Variants in RAD51B observed in about 807,000 individuals in gnomAD.
RAD51B encodes the protein RAD51 paralog B, also known as DNA repair protein RAD51 homolog 2.
RAD51B carries 38 observed loss-of-function variants against 42.2 expected under a neutral mutation model. That is an observed-to-expected ratio of 0.90 (90% confidence interval 0.70 to 1.18). RAD51B has a LOEUF of 1.18. RAD51B is among the 50% of genes most tolerant of loss of function. The pLI is 0.00. For synonymous variants in RAD51B, 154 were observed against 145.2 expected (o/e 1.06, Z -0.43); for missense variants, 373 against 400.7 (o/e 0.93, Z 0.59).
chr14:68,315,310 G>T (rs929883351), intron 8 of RAD51B, among the ~76,000 whole-genome samples: 1 of 152,186 alleles, frequency 6.6e-6, no homozygotes, highest in Non-Finnish European at 1.5e-5. Flanking sequence ...CCACATAGGA[G>T]ATTAAATACC....
intron 7 of RAD51B, among the ~76,000 whole-genome samples, chr14:68,073,079 A>G (rs2076779056): frequency 6.6e-6 from 1 of 152,098 alleles, no homozygotes; most frequent in Non-Finnish European, 1.5e-5. Context: ...TAAGTCTCCA[A>G]TATTCTGCCT....
intron 9 of RAD51B, among the ~76,000 whole-genome samples, chr14:68,445,553 G>A (rs1054808596): frequency 2.6e-5 from 4 of 152,266 alleles, no homozygotes; most frequent in African/African-American, 9.6e-5. Flanking sequence ...TTAATTGTTA[G>A]TTGTTATTGG....
chr14:68,298,515 G>C (rs1227371588), intron 8 of RAD51B, among the ~76,000 whole-genome samples: 2 of 152,160 alleles, frequency 1.3e-5, no homozygotes, highest in African/African-American at 4.8e-5. Flanking sequence ...TGTGGGAGTT[G>C]GGCTAGCTTT....
intron 10 of RAD51B, among the ~76,000 whole-genome samples, chr14:68,543,729 C>T (rs1376037828): frequency 6.6e-6 from 1 of 152,110 alleles, no homozygotes; most frequent in African/African-American, 2.4e-5. Flanking sequence ...ATACAGCCAC[C>T]GCTGGGGCCA....
chr14:67,947,487 G>A (rs1411957204), intron 7 of RAD51B, among the ~76,000 whole-genome samples: 1 of 152,156 alleles, frequency 6.6e-6, no homozygotes, highest in Non-Finnish European at 1.5e-5. Context: ...CTGACCCATG[G>A]AAGGCATTTC....
At chr14:68,214,994 A>G (rs1308883615) in intron 7 of RAD51B, among the ~76,000 whole-genome samples, 1 of 152,334 alleles carries the variant, frequency 6.6e-6, no homozygotes, top group East Asian at 1.9e-4. Flanking sequence ...AAGCTGAAGA[A>G]CAATTTGTTT....
rs117863832 is a variant in RAD51B at position 68,310,156 on chromosome 14, C to T, written c.853+18176C>T. The stretch of plus-strand genomic sequence containing the variant: ...CAATCAGTTGTCTGATAGACGGCTC[C>T]TGGGAAGACTGGAGAGCCTTATGAG... On this transcript the variant is annotated intron_variant, in intron 8 of 10. Transcript: ENST00000471583. 2.7e-3 allele frequency among the ~76,000 whole-genome samples: 417 copies of T among 152,186 alleles called. 10 individuals are homozygous for T. In the East Asian group the frequency reaches 0.045, roughly 17 times the overall value.
chr14:68,216,565 C>G (rs2079819918), intron 7 of RAD51B, among the ~76,000 whole-genome samples: 1 of 152,176 alleles, frequency 6.6e-6, no homozygotes, highest in Non-Finnish European at 1.5e-5. Context: ...GTCTTTAAGT[C>G]TCCCTGAAAG....
At chr14:68,525,279 A>G (rs1314698881) in intron 10 of RAD51B, among the ~76,000 whole-genome samples, 3 of 152,276 alleles carry the variant, frequency 2.0e-5, no homozygotes, top group African/African-American at 7.2e-5. Flanking sequence ...AGAAAGGAAC[A>G]TCGCCTTCCA....
At chr14:68,562,849 A>T in intron 10 of RAD51B, 1 of 985,394 alleles carries the variant, frequency 1.0e-6, no homozygotes, top group African/African-American at 1.7e-5. Flanking sequence ...GAAAATGTTC[A>T]CAGCAGCTCT....
intron 9 of RAD51B, among the ~76,000 whole-genome samples, chr14:68,434,512 C>T (rs142454603): frequency 2.6e-4 from 39 of 152,306 alleles, no homozygotes; most frequent in Non-Finnish European, 4.9e-4. Flanking sequence ...TAGCAATGAG[C>T]GAGGCTCCAT....
At chr14:68,245,368 C>T (rs1034406941) in intron 7 of RAD51B, among the ~76,000 whole-genome samples, 21 of 152,180 alleles carry the variant, frequency 1.4e-4, no homozygotes, top group African/African-American at 4.8e-4. Flanking sequence ...GAAGTGGTGC[C>T]TTATGTCGGG....
chr14:68,186,527 A>G (rs559946825), intron 7 of RAD51B, among the ~76,000 whole-genome samples: 123 of 152,300 alleles, frequency 8.1e-4, no homozygotes, highest in African/African-American at 2.9e-3. Flanking sequence ...AGCAAAACCC[A>G]AATAACACTA....
intron 9 of RAD51B, among the ~76,000 whole-genome samples, chr14:68,462,568 A>G (rs571727334): frequency 9.2e-5 from 14 of 152,320 alleles, no homozygotes; most frequent in Middle Eastern, 3.4e-3. Context: ...AGTTGGATCA[A>G]TTAATCAAAA....
intron 7 of RAD51B, among the ~76,000 whole-genome samples, chr14:68,231,447 T>A (rs1176377647): frequency 6.6e-6 from 1 of 152,134 alleles, no homozygotes; most frequent in Non-Finnish European, 1.5e-5. Flanking sequence ...TTTTTCCTTT[T>A]CCCCTAAACC....
At chr14:68,435,711 G>A (rs1412237006) in intron 9 of RAD51B, among the ~76,000 whole-genome samples, 1 of 152,082 alleles carries the variant, frequency 6.6e-6, no homozygotes, top group Non-Finnish European at 1.5e-5. Flanking sequence ...TTTTAATAAA[G>A]CCATTCTGAC....
intron 7 of RAD51B, among the ~76,000 whole-genome samples, chr14:68,034,264 C>CT (rs548523242): frequency 0.01 from 1,487 of 143,818 alleles, 16 homozygotes; most frequent in African/African-American, 0.03. Context: ...GAATCATCTG[C>CT]TTTTTTTTTT....
intron 10 of RAD51B, among the ~76,000 whole-genome samples, chr14:68,603,826 C>T (rs927146240): frequency 6.6e-6 from 1 of 152,226 alleles, no homozygotes; most frequent in Non-Finnish European, 1.5e-5. Flanking sequence ...CCTGCGGCCG[C>T]GCTGGCCCCC....
intron 4 of RAD51B, among the ~76,000 whole-genome samples, chr14:67,861,978 G>A (rs1357909212): frequency 6.6e-6 from 1 of 151,950 alleles, no homozygotes; most frequent in Non-Finnish European, 1.5e-5. Context: ...CAGTCAGTGG[G>A]GGGGAAGGGG....
Sources: gnomAD v4.1 joint callset for allele counts (sites outside exome capture counted in the v4.1 genomes callset) on GRCh38, gnomAD v4.1.1 for gene constraint, MANE v1.5 for transcripts, NCBI Gene and HGNC (gene_info 2026-07-23, HGNC 2026-07-21) for gene names.